The following ADGRL2 variants were observed in gnomAD, a reference collection of about 807,000 sequenced individuals.
ADGRL2 encodes calcium-independent alpha-latrotoxin receptor 2.
Under a neutral mutation model 157.4 loss-of-function variants are expected in ADGRL2, and 44 were observed. The observed-to-expected ratio is 0.28, with a 90% CI of 0.22 to 0.36. ADGRL2 has a LOEUF of 0.36. Ranked by LOEUF, ADGRL2 falls within the 10% of genes least tolerant of loss-of-function variation. ADGRL2 has a pLI of 1.00. For missense variants in ADGRL2, 1,510 were observed against 1,768.9 expected (o/e 0.85, Z 2.63); for synonymous variants, 585 against 624.7 (o/e 0.94, Z 0.95).
At chr1:81,779,178 C>T (rs2086713887) in intron 2 of ADGRL2, among the ~76,000 whole-genome samples, 2 of 152,026 alleles carry the variant, frequency 1.3e-5, no homozygotes, top group African/African-American at 2.4e-5. Context: ...ATGGAGCTTA[C>T]ATTCCACTAC....
At chr1:81,842,353 C>CTT (rs71085377) in intron 2 of ADGRL2, among the ~76,000 whole-genome samples, 26,933 of 54,562 alleles carry the variant, frequency 0.49, 8,388 homozygotes, top group East Asian at 0.68. Context: ...TCTTTTAGCG[C>CTT]TTTTTTTTTT....
At chr1:81,875,515 A>G (rs191488403) in intron 2 of ADGRL2, among the ~76,000 whole-genome samples, 25 of 152,194 alleles carry the variant, frequency 1.6e-4, no homozygotes, top group Admixed American at 2.0e-4. Context: ...ATTGTTATAT[A>G]GGATTTTTAA....
At position 81,884,599 on chromosome 1, in the gene ADGRL2, A is replaced by G. The variant is rs190338483; in HGVS notation, c.74-22418A>G. Among the ~76,000 whole-genome samples the G allele has an allele frequency of 1.1e-3, 171 of 152,332 alleles. 1 individual carries two copies. Among genetic ancestry groups the G allele is most frequent in the African/African-American group, 3.9e-3 (164 of 41,578 alleles). On this transcript the variant is annotated intron_variant, in intron 2 of 23. Coordinates refer to ENST00000686636, the MANE Select transcript of ADGRL2 (RefSeq NM_001366006.2). ...AAACACTATGTATCTGCTCTTTCAT[A>G]TAACATTCGGAAACTCTTGTGACAT... is the stretch of plus-strand genomic sequence containing the variant.
At chr1:81,935,484 G>A (rs2095297202) in intron 3 of ADGRL2, among the ~76,000 whole-genome samples, 2 of 151,960 alleles carry the variant, frequency 1.3e-5, no homozygotes, top group South Asian at 4.2e-4. Flanking sequence ...AGTTGAAATG[G>A]CACCAAAGTA....
chr1:81,577,745 A>T (rs1462341747), intron 2 of ADGRL2, among the ~76,000 whole-genome samples: 1 of 152,172 alleles, frequency 6.6e-6, no homozygotes, highest in African/African-American at 2.4e-5. Flanking sequence ...ATTCAAGTTG[A>T]TACTGTTTAA....
chr1:81,805,378 G>A (rs1484934673), intron 1 of ADGRL2, among the ~76,000 whole-genome samples: 2 of 151,800 alleles, frequency 1.3e-5, no homozygotes, highest in Non-Finnish European at 2.9e-5. Flanking sequence ...GAATTTCAGG[G>A]GAGACTTTTT....
chr1:81,407,290 G>A (rs967658012), intron 1 of ADGRL2, among the ~76,000 whole-genome samples: 5 of 152,186 alleles, frequency 3.3e-5, no homozygotes, highest in Admixed American at 2.6e-4. Flanking sequence ...GGATCCGGAG[G>A]TCAGTGGGGG....
chr1:81,787,113 C>T lies in ADGRL2; in HGVS notation c.-101+25261C>T, dbSNP rs60132230. ...CTTGCCACCACCATGTAAGAAGTGC[C>T]TTTCACCTCCCGCCATGATTCTGAA... On this transcript the variant is annotated intron_variant, in intron 2 of 20. Transcript: ENST00000359929. Among the ~76,000 whole-genome samples, 1,403 of 152,170 alleles carry T rather than the reference C, an allele frequency of 9.2e-3. 27 individuals are homozygous for T. The highest frequency in any genetic ancestry group is 0.031 in the African/African-American group (1,300 of 41,506).
chr1:81,803,068 G>T (rs937174148), intron 1 of ADGRL2, among the ~76,000 whole-genome samples: 1 of 152,138 alleles, frequency 6.6e-6, no homozygotes, highest in African/African-American at 2.4e-5. Context: ...GCCTGCGGGA[G>T]AAGTTACGGA....
At chr1:81,509,686 G>A (rs1366267686) in intron 2 of ADGRL2, among the ~76,000 whole-genome samples, 1 of 152,168 alleles carries the variant, frequency 6.6e-6, no homozygotes, top group Non-Finnish European at 1.5e-5. Context: ...ACAAAGCCCT[G>A]TTTTCCATCT....
intron 3 of ADGRL2, among the ~76,000 whole-genome samples, chr1:81,638,701 G>A (rs1298073432): frequency 6.6e-6 from 1 of 152,074 alleles, no homozygotes; most frequent in Non-Finnish European, 1.5e-5. Context: ...TGCTGATAAA[G>A]GAGAGAAAAT....
intron 2 of ADGRL2, among the ~76,000 whole-genome samples, chr1:81,513,108 A>G (rs908191376): frequency 2.0e-5 from 3 of 152,270 alleles, no homozygotes; most frequent in Non-Finnish European, 4.4e-5. Context: ...TAAAATTTCT[A>G]ATTAAACTTA....
At chr1:81,948,086 G>T (rs770116464) in intron 6 of ADGRL2, among the ~76,000 whole-genome samples, 67 of 151,968 alleles carry the variant, frequency 4.4e-4, no homozygotes, top group Non-Finnish European at 7.4e-4. Context: ...GTGTGGTGGT[G>T]GGTGCCTGTA....
Position 81,757,452 on chromosome 1 carries a change from G to A in ADGRL2, c.-142-4359G>A, listed in dbSNP as rs113981372. On this transcript the variant is annotated intron_variant, in intron 1 of 20. Coordinates refer to the ADGRL2 transcript ENST00000359929. ...GAGCCTGTAACAATAACTGAGTCTT[G>A]GCCAATCACAGTGGCCAAATTTCAG... Among the ~76,000 whole-genome samples, 418 of 152,146 alleles carry A rather than the reference G, an allele frequency of 2.7e-3. 8 individuals carry two copies. The South Asian group carries it at 0.041, about 15-fold the overall frequency.
intron 3 of ADGRL2, among the ~76,000 whole-genome samples, chr1:81,642,780 A>C (rs188348782): frequency 1.3e-5 from 2 of 152,314 alleles, no homozygotes; most frequent in East Asian, 3.9e-4. Context: ...AACATTCAAA[A>C]ATCAATTAAT....
intron 1 of ADGRL2, among the ~76,000 whole-genome samples, chr1:81,832,585 A>G (rs1463582752): frequency 1.3e-5 from 2 of 152,232 alleles, no homozygotes; most frequent in Non-Finnish European, 2.9e-5. Context: ...GATGAATATT[A>G]AGGGGACTTC....
chr1:81,877,539 T>C (rs1393079929), intron 2 of ADGRL2, among the ~76,000 whole-genome samples: 3 of 152,030 alleles, frequency 2.0e-5, no homozygotes, highest in African/African-American at 7.2e-5. Context: ...TCTGGAGATA[T>C]TCCAAGAACA....
At chr1:81,435,873 G>T (rs2077399872) in intron 1 of ADGRL2, among the ~76,000 whole-genome samples, 1 of 152,114 alleles carries the variant, frequency 6.6e-6, no homozygotes, top group South Asian at 2.1e-4. Context: ...GAGGCAGGTG[G>T]ATCACCTGAG....
At chr1:81,722,904 A>C in intron 1 of ADGRL2, 1 of 730,044 alleles carries the variant, frequency 1.4e-6, no homozygotes. Context: ...CCTGGACTCA[A>C]TGAAATTCTT....
Sources: gnomAD v4.1 joint callset for allele counts (sites outside exome capture counted in the v4.1 genomes callset) on GRCh38, gnomAD v4.1.1 for gene constraint, MANE v1.5 for transcripts, NCBI Gene and HGNC (gene_info 2026-07-23, HGNC 2026-07-21) for gene names.